The following CLTC variants were observed in gnomAD, a reference collection of about 807,000 sequenced individuals.
CLTC encodes clathrin heavy chain.
Under a neutral mutation model 195.8 loss-of-function variants are expected in CLTC, and 16 were observed. That is an observed-to-expected ratio of 0.08 (90% confidence interval 0.06 to 0.12). The LOEUF (loss-of-function observed/expected upper bound fraction) is 0.12, where lower values mean the gene tolerates loss of function less well. CLTC is among the 10% of genes least tolerant of loss of function. CLTC has a pLI of 1.00. For missense variants in CLTC, 796 were observed against 2,027.0 expected (o/e 0.39, Z 11.66); for synonymous variants, 667 against 689.4 (o/e 0.97, Z 0.51).
intron 15 of CLTC, among the ~76,000 whole-genome samples, chr17:59,674,037 G>C (rs2032911135): frequency 6.6e-6 from 1 of 152,028 alleles, no homozygotes; most frequent in African/African-American, 2.4e-5. Context: ...ATCTGGGACT[G>C]CAGGTGCATA....
At chr17:59,659,766 C>G (rs1452065629) in intron 6 of CLTC, among the ~76,000 whole-genome samples, 2 of 151,936 alleles carry the variant, frequency 1.3e-5, no homozygotes, top group Non-Finnish European at 2.9e-5. Context: ...CAAGCACCTA[C>G]CATGTTCCTT....
chr17:59,643,852 T>G (rs2032113342), intron 1 of CLTC, among the ~76,000 whole-genome samples: 1 of 152,242 alleles, frequency 6.6e-6, no homozygotes, highest in Non-Finnish European at 1.5e-5. Flanking sequence ...TCTGTGACAT[T>G]TTAGATCTTT....
Position 59,639,822 on chromosome 17 carries a change from G to A in CLTC, c.43-4454G>A, listed in dbSNP as rs537862494. Among the ~76,000 whole-genome samples the A allele has an allele frequency of 1.6e-4, 23 of 146,578 alleles. 1 individual carries two copies. In the East Asian group the frequency reaches 4.4e-3, roughly 28 times the overall value. On this transcript the variant is annotated intron_variant, in intron 1 of 31. Transcript: ENST00000269122. ...GTCTCTTAAAAAAAAAAAAAAATTA[G>A]CCAGGCATGGTGGCGCCTGTAGTCT...
intron 1 of CLTC, among the ~76,000 whole-genome samples, chr17:59,638,987 A>G (rs1356811053): frequency 6.6e-6 from 1 of 152,242 alleles, no homozygotes; most frequent in Non-Finnish European, 1.5e-5. Flanking sequence ...GGTACTTCAG[A>G]GTTTTAAAGA....
intron 2 of CLTC, among the ~76,000 whole-genome samples, 192 bp from the exon 3 acceptor site, chr17:59,647,206 T>G (rs1436482318): frequency 6.6e-6 from 1 of 152,198 alleles, no homozygotes; most frequent in East Asian, 1.9e-4. Flanking sequence ...GTAATGTAGT[T>G]TTTGCTTAAA....
intron 1 of CLTC, among the ~76,000 whole-genome samples, chr17:59,628,519 A>T (rs2143447548): frequency 6.6e-6 from 1 of 152,304 alleles, no homozygotes; most frequent in East Asian, 1.9e-4. Context: ...TATTGAAGCC[A>T]AGATCTTGAA....
At position 59,695,942 on chromosome 17, in the gene CLTC, C is replaced by A; in HGVS notation, c.*2090C>A. 1 of 205,552 alleles carries A rather than the reference C, an allele frequency of 4.9e-6. No individual in the cohort carries two copies. Among genetic ancestry groups the A allele is most frequent in the African/African-American group, 2.3e-5 (1 of 43,884 alleles). 12.7% of individuals were successfully genotyped at this position (205,552 alleles called of 1,614,324 possible). On this transcript the variant is annotated 3_prime_UTR_variant, in exon 32 of 32. Coordinates refer to ENST00000269122, the MANE Select transcript of CLTC (RefSeq NM_004859.4). Reference sequence around the variant, plus strand: ...TAAGATTATGAGTTCTATAAAATACCAAGTACAGATGAACTAGAAAACAAG... The same window carrying A: ...TAAGATTATGAGTTCTATAAAATACAAAGTACAGATGAACTAGAAAACAAG...
chr17:59,663,805 C>G (rs2032664111), intron 8 of CLTC, 37 bp from the exon 9 acceptor site: 1 of 1,591,274 alleles, frequency 6.3e-7, no homozygotes, highest in Non-Finnish European at 8.6e-7. Context: ...TAAAACAGTT[C>G]ATGGATCACT....
intron 17 of CLTC, among the ~76,000 whole-genome samples, chr17:59,678,553 T>G (rs2033015311): frequency 6.6e-6 from 1 of 152,240 alleles, no homozygotes; most frequent in Non-Finnish European, 1.5e-5. Context: ...TTTTGACTGG[T>G]GAGAACCTCT....
chr17:59,664,444 A>G (rs753846489), intron 9 of CLTC, among the ~76,000 whole-genome samples: 1 of 151,818 alleles, frequency 6.6e-6, no homozygotes, highest in Non-Finnish European at 1.5e-5. Flanking sequence ...TTAGCTACTC[A>G]GGAGGCCAAG....
intron 1 of CLTC, among the ~76,000 whole-genome samples, chr17:59,635,980 C>T (rs2031847902): frequency 6.6e-6 from 1 of 152,140 alleles, no homozygotes. Flanking sequence ...GAGGCCGAGG[C>T]AGGCAGACAC....
chr17:59,683,627 T>G lies in CLTC; in HGVS notation c.4194T>G (p.Val1398=), dbSNP rs1477360295. 9 of 1,613,932 alleles carry G rather than the reference T, an allele frequency of 5.6e-6. No homozygotes were observed. The highest frequency in any genetic ancestry group is 1.6e-4 in the Middle Eastern group (1 of 6,084). Residue 1398 remains valine, a splice_region_variant and synonymous_variant, in exon 27 of 32, where the codon GTT becomes GTG. Coordinates refer to ENST00000269122, the MANE Select transcript of CLTC (RefSeq NM_004859.4). The surrounding 1 kb of genome is among the most constrained non-coding windows in gnomAD (Gnocchi z 6.1). ...EGQFKDIITK[V]ANVELYYRAI... is the part of the protein sequence containing the mutation. ...ATGTATGGATTTTCCCATTGTAGGT[T>G]GCCAATGTGGAACTATACTACAGAG...
rs775937387 is a variant in CLTC, at chr17:59,648,236, A to G, written c.520-4A>G. On this transcript the variant is annotated splice_polypyrimidine_tract_variant and splice_region_variant and intron_variant, in intron 3 of 31. Transcript: ENST00000269122. The surrounding 1 kb of genome is among the most constrained non-coding windows in gnomAD (Gnocchi z 4.5). Reference sequence around the variant, plus strand: ...CAAACGTTATTCTCTTTGATCCTTTATAGCAAAATCGTGTGGTGGGAGCTA... The same window carrying G: ...CAAACGTTATTCTCTTTGATCCTTTGTAGCAAAATCGTGTGGTGGGAGCTA... The G allele has an allele frequency of 5.0e-6, 8 of 1,607,696 alleles. No individual in the cohort carries two copies. The highest frequency in any genetic ancestry group is 6.8e-6 in the Non-Finnish European group (8 of 1,177,420).
chr17:59,660,809 A>T (rs2032590400), intron 7 of CLTC, among the ~76,000 whole-genome samples: 1 of 152,210 alleles, frequency 6.6e-6, no homozygotes, highest in Non-Finnish European at 1.5e-5. Flanking sequence ...TTAGAAGGAT[A>T]TGTGGGTCTA....
At chr17:59,623,346 G>A (rs560822475) in intron 1 of CLTC, among the ~76,000 whole-genome samples, 11 of 152,224 alleles carry the variant, frequency 7.2e-5, no homozygotes, top group Admixed American at 2.0e-4. Context: ...GGAATTATGC[G>A]GCAGTCTCCT....
intron 1 of CLTC, among the ~76,000 whole-genome samples, chr17:59,634,968 A>G (rs184198015): frequency 3.9e-5 from 6 of 152,350 alleles, no homozygotes; most frequent in Admixed American, 3.9e-4. Flanking sequence ...TTTTAAAGGA[A>G]ATTATGTTTA....
intron 6 of CLTC, among the ~76,000 whole-genome samples, chr17:59,656,964 G>A (rs775572253): frequency 8.6e-5 from 13 of 151,984 alleles, no homozygotes; most frequent in East Asian, 1.9e-4. Context: ...GAGTCACGGC[G>A]CACAGCCTAT....
At chr17:59,651,405 G>C in intron 5 of CLTC, 89 bp downstream of exon 5, 1 of 872,562 alleles carries the variant, frequency 1.1e-6, no homozygotes, top group Non-Finnish European at 1.9e-6. Context: ...TATAATTTAA[G>C]TGATGCTTAA....
intron 7 of CLTC, 78 bp from the exon 8 acceptor site, chr17:59,661,365 T>C (rs1313394116): frequency 8.9e-7 from 1 of 1,125,480 alleles, no homozygotes; most frequent in Non-Finnish European, 1.4e-6. Context: ...GTGTGATGTT[T>C]GGATCACTTT....
Sources: gnomAD v4.1 joint callset for allele counts (sites outside exome capture counted in the v4.1 genomes callset) on GRCh38, gnomAD v4.1.1 for gene constraint, Gnocchi (gnomAD v3.1) non-coding constraint, MANE v1.5 for transcripts, NCBI Gene and HGNC (gene_info 2026-07-23, HGNC 2026-07-21) for gene names.